VSTM1: variants seen among roughly 807,000 people sequenced by gnomAD.
VSTM1 encodes V-set and transmembrane domain-containing protein 1.
VSTM1 carries 27 observed loss-of-function variants against 33.1 expected under a neutral mutation model. The ratio of observed to expected loss-of-function variants is 0.82; its 90% CI spans 0.60 to 1.12. The LOEUF is 1.12. Among genes scored for constraint, VSTM1 ranks in the 50% most tolerant of loss-of-function variants. The pLI is 0.00. For missense variants in VSTM1, 304 were observed against 288.9 expected, an observed-to-expected ratio of 1.05 and a Z score of -0.38; for synonymous variants, 115 against 110.3, an observed-to-expected ratio of 1.04 and a Z score of -0.27.
At chr19:54,042,245 C>CA (rs1315395486) in intron 5 of VSTM1, 32 bp downstream of exon 5, 1 of 1,613,856 alleles carries the variant, frequency 6.2e-7, no homozygotes, top group Admixed American at 1.7e-5. Flanking sequence ...TCCTTCACTC[C>CA]CCCTCTCTCC....
In VSTM1 at chr19:54,042,027, G is replaced by A. The variant is rs752432844; in HGVS notation, c.516-74C>T. On this transcript the variant is annotated intron_variant, in intron 6 of 8. Transcript: ENST00000338372. The stretch of plus-strand genomic sequence containing the variant: ...GAGAGGGTGAGGGCAATGGAGGGGA[G>A]AGGAAGGGAGAAGAAGGGAGAGGAG... 504 of 1,606,794 alleles carry A rather than the reference G, an allele frequency of 3.1e-4. 5 individuals carry two copies. Among genetic ancestry groups the A allele is most frequent in the Non-Finnish European group, 7.0e-5 (82 of 1,173,834 alleles).
At chr19:54,052,127 A>C (rs10406122) in intron 3 of VSTM1, among the ~76,000 whole-genome samples, 1 of 151,670 alleles carries the variant, frequency 6.6e-6, no homozygotes, top group Non-Finnish European at 1.5e-5. Flanking sequence ...GGCCGGGCGC[A>C]GTGGCTCACG....
intron 1 of VSTM1, among the ~76,000 whole-genome samples, chr19:54,059,839 T>C (rs1317159045): frequency 5.7e-5 from 8 of 140,930 alleles, no homozygotes; most frequent in African/African-American, 1.7e-4. Context: ...GTGAGAGTGG[T>C]GGGTTTTTTT....
At chr19:54,048,479 G>A (rs1164089802) in intron 4 of VSTM1, 8 of 212,608 alleles carry the variant, frequency 3.8e-5, no homozygotes, top group Non-Finnish European at 8.2e-5. Flanking sequence ...TACATTTTAA[G>A]AAATTATATA....
intron 4 of VSTM1, among the ~76,000 whole-genome samples, chr19:54,048,590 T>G (rs920381309): frequency 5.3e-5 from 8 of 152,166 alleles, no homozygotes; most frequent in African/African-American, 1.9e-4. Context: ...GAATATAACA[T>G]GATACAGCCA....
chr19:54,061,014 TTC>T (rs1434810710), intron 1 of VSTM1, among the ~76,000 whole-genome samples: 6 of 120,806 alleles, frequency 5.0e-5, no homozygotes, highest in African/African-American at 1.8e-4. Flanking sequence ...TCTTTTTCTT[TTC>T]TTTTTTTTTT....
chr19:54,049,715 C>T (rs1321988279), intron 4 of VSTM1, among the ~76,000 whole-genome samples: 1 of 152,110 alleles, frequency 6.6e-6, no homozygotes, highest in Non-Finnish European at 1.5e-5. Flanking sequence ...GCAGACATTT[C>T]CCAAGCCTAC....
chr19:54,059,752 G>A (rs1284183086), intron 1 of VSTM1, among the ~76,000 whole-genome samples: 1 of 152,064 alleles, frequency 6.6e-6, no homozygotes, highest in Admixed American at 6.6e-5. Flanking sequence ...GGGATTACAG[G>A]CATGAGCCAC....
At chr19:54,046,351 C>G (rs184909959) in intron 4 of VSTM1, among the ~76,000 whole-genome samples, 4 of 152,202 alleles carry the variant, frequency 2.6e-5, no homozygotes, top group Admixed American at 2.0e-4. Flanking sequence ...GTAAATGTTC[C>G]CTTCCCTTTC....
At chr19:54,053,229 G>A (rs2070939956) in intron 3 of VSTM1, among the ~76,000 whole-genome samples, 1 of 141,014 alleles carries the variant, frequency 7.1e-6, no homozygotes, top group South Asian at 2.3e-4. Context: ...TCCCTGGAGG[G>A]CTGTTCTCCA....
At chr19:54,057,414 C>T (rs2071153764) in intron 3 of VSTM1, among the ~76,000 whole-genome samples, 1 of 150,878 alleles carries the variant, frequency 6.6e-6, no homozygotes, top group African/African-American at 2.4e-5. Context: ...ACTTGGGAGG[C>T]TGATGTGGGA....
intron 3 of VSTM1, among the ~76,000 whole-genome samples, chr19:54,057,532 G>A (rs564583305): frequency 5.3e-5 from 8 of 150,548 alleles, no homozygotes; most frequent in African/African-American, 1.5e-4. Context: ...AAAAGCAGCC[G>A]AGCGCAGTGG....
At position 54,058,448 on chromosome 19, in the gene VSTM1, T is replaced by C. The variant is rs367761217; in HGVS notation, c.213A>G (p.Glu71=). The C allele has an allele frequency of 6.2e-7, 1 of 1,614,082 alleles. No homozygotes were observed. The highest frequency in any genetic ancestry group is 1.1e-5 in the South Asian group (1 of 91,082). ...RKVNDSGYKQ[E]QSSAENEAEF... ...CAGCTTCGTTTTCTGCCGAGCTCTGTTCCTGCTTGTACCCAGAGTCGTTCA... is the reference window on the plus strand; with the variant it reads ...CAGCTTCGTTTTCTGCCGAGCTCTGCTCCTGCTTGTACCCAGAGTCGTTCA... The change falls in exon 3 of 9, where the codon GAA becomes GAG. Residue 71 remains glutamate (E), a synonymous_variant. Coordinates refer to ENST00000338372, the MANE Select transcript of VSTM1 (RefSeq NM_198481.4).
rs149183817 is a variant in VSTM1 at position 54,061,218 on chromosome 19, A to T, written c.35-2486T>A. Among the ~76,000 whole-genome samples the T allele has an allele frequency of 8.8e-3, 1,338 of 151,868 alleles. 15 individuals carry two copies. The highest frequency in any genetic ancestry group is 0.03 in the African/African-American group (1,251 of 41,410). On this transcript the variant is annotated intron_variant, in intron 1 of 8. Transcript: ENST00000338372. Reference sequence around the variant, plus strand: ...TTTTTAGTAGAGACGGGGTTTCACCATGTTGGCCAGTCTGGTCTCAAACTC... The same window carrying T: ...TTTTTAGTAGAGACGGGGTTTCACCTTGTTGGCCAGTCTGGTCTCAAACTC...
chr19:54,041,464 G>C (rs1330705435), intron 8 of VSTM1, among the ~76,000 whole-genome samples: 1 of 151,904 alleles, frequency 6.6e-6, no homozygotes, highest in Non-Finnish European at 1.5e-5. Flanking sequence ...ACCACGCCCA[G>C]CTAATTTTTT....
intron 4 of VSTM1, among the ~76,000 whole-genome samples, chr19:54,042,625 G>A (rs917504378): frequency 6.6e-6 from 1 of 151,398 alleles, no homozygotes; most frequent in African/African-American, 2.4e-5. Context: ...AGAAAGGGCT[G>A]GAACAGTGCT....
intron 3 of VSTM1, among the ~76,000 whole-genome samples, chr19:54,056,843 A>G (rs1600152074): frequency 7.4e-6 from 1 of 134,738 alleles, no homozygotes; most frequent in Admixed American, 7.9e-5. Flanking sequence ...AAGGTGTTGC[A>G]TCTATCCTTC....
intron 4 of VSTM1, among the ~76,000 whole-genome samples, chr19:54,050,601 G>T (rs954236808): frequency 6.6e-6 from 1 of 151,994 alleles, no homozygotes; most frequent in East Asian, 1.9e-4. Context: ...TTCAGAACCC[G>T]GAAGCACTTT....
intron 4 of VSTM1, among the ~76,000 whole-genome samples, chr19:54,043,437 G>A (rs1242008240): frequency 6.7e-6 from 1 of 150,310 alleles, no homozygotes; most frequent in Non-Finnish European, 1.5e-5. Context: ...TTGAGACAAA[G>A]TCTCACTCTT....
Sources: allele counts gnomAD v4.1 joint callset (sites outside exome capture counted in the v4.1 genomes callset), GRCh38; gene constraint gnomAD v4.1.1; transcripts MANE v1.5; gene names NCBI Gene and HGNC (gene_info 2026-07-23, HGNC 2026-07-21).